The following SMARCC1 variants were observed in gnomAD, a reference collection of about 807,000 sequenced individuals.
SMARCC1 encodes the protein SWI/SNF complex subunit SMARCC1.
A neutral mutation model predicts 147.4 loss-of-function variants in SMARCC1; 43 were observed. The observed-to-expected ratio is 0.29, with a 90% CI of 0.23 to 0.38. The LOEUF is 0.38. Ranked by LOEUF, SMARCC1 falls within the 10% of genes least tolerant of loss-of-function variation. The pLI, the probability that SMARCC1 is intolerant of heterozygous loss-of-function variation, is 1.00. For missense variants in SMARCC1, 1,119 were observed against 1,381.1 expected (o/e 0.81, Z 3.01); for synonymous variants, 495 against 484.4 (o/e 1.02, Z -0.29).
rs1307754890 is a variant in SMARCC1 at position 47,720,857 on chromosome 3, C to A, written c.647-122G>T. ...TAACGAACAACATTTTTCGAACATG[C>A]TGTTGCTGGTTTGGAAAGAAAAAGT... On this transcript the variant is annotated intron_variant, in intron 6 of 27. Transcript: ENST00000254480. 4 of 778,928 alleles carry A rather than the reference C, an allele frequency of 5.1e-6. No homozygotes were observed. In the African/African-American group the frequency reaches 5.2e-5, roughly 10 times the overall value. 48.3% of individuals were successfully genotyped at this position (778,928 alleles called of 1,614,324 possible).
intron 25 of SMARCC1, among the ~76,000 whole-genome samples, chr3:47,617,593 A>G (rs1036573752): frequency 7.2e-5 from 11 of 152,252 alleles, no homozygotes; most frequent in Non-Finnish European, 1.6e-4. Flanking sequence ...AATTTTCACA[A>G]GAATTCTGTG....
At chr3:47,604,128 A>G (rs937163468) in intron 26 of SMARCC1, 1 of 456,644 alleles carries the variant, frequency 2.2e-6, no homozygotes, top group Non-Finnish European at 4.4e-6. Context: ...TACCAGCTAC[A>G]TTCATACCTA....
At chr3:47,720,780 T>C (rs775129250) in intron 6 of SMARCC1, 45 bp from the exon 7 acceptor site, 4 of 1,334,674 alleles carry the variant, frequency 3.0e-6, no homozygotes, top group Non-Finnish European at 4.2e-6. Flanking sequence ...GACAAAATAA[T>C]AAAGAAACTA....
chr3:47,621,637 C>T (rs78460903), intron 25 of SMARCC1, among the ~76,000 whole-genome samples: 2,912 of 152,120 alleles, frequency 0.019, 37 homozygotes, highest in Non-Finnish European at 0.029. Flanking sequence ...AAACAATAGA[C>T]ACTGGTGACT....
intron 26 of SMARCC1, chr3:47,601,698 CTTTT>C (rs869165458): frequency 1.4e-5 from 2 of 138,306 alleles, no homozygotes; most frequent in Admixed American, 7.3e-5. Flanking sequence ...CTTTTTTTTT[CTTTT>C]TTTTTTTTTT....
At chr3:47,757,551 T>C (rs1334783369) in intron 2 of SMARCC1, among the ~76,000 whole-genome samples, 3 of 151,690 alleles carry the variant, frequency 2.0e-5, no homozygotes, top group African/African-American at 7.3e-5. Flanking sequence ...CCAAGGCAGG[T>C]GGATCATGAG....
At chr3:47,689,505 C>T (rs2033766327) in intron 12 of SMARCC1, 81 bp from the exon 13 acceptor site, 1 of 1,139,036 alleles carries the variant, frequency 8.8e-7, no homozygotes, top group African/African-American at 1.5e-5. Context: ...GGTCTAAGAA[C>T]TGATACTGGA....
intron 14 of SMARCC1, among the ~76,000 whole-genome samples, chr3:47,681,545 T>C (rs2033644859): frequency 6.6e-6 from 1 of 152,192 alleles, no homozygotes; most frequent in African/African-American, 2.4e-5. Context: ...AATATAAGTG[T>C]GTGTTTCTTC....
chr3:47,645,205 G>A (rs2033102535), intron 21 of SMARCC1, among the ~76,000 whole-genome samples: 1 of 151,792 alleles, frequency 6.6e-6, no homozygotes. Flanking sequence ...GATCCCAGAA[G>A]GTCTCTTGAT....
At chr3:47,628,863 C>A (rs2032848661) in intron 24 of SMARCC1, among the ~76,000 whole-genome samples, 1 of 152,152 alleles carries the variant, frequency 6.6e-6, no homozygotes, top group South Asian at 2.1e-4. Flanking sequence ...ACAGAAATCC[C>A]ACAAAGTTCT....
chr3:47,752,489 AAAG>A (rs1458903589), intron 2 of SMARCC1, among the ~76,000 whole-genome samples: 1 of 152,166 alleles, frequency 6.6e-6, no homozygotes, highest in Non-Finnish European at 1.5e-5. Context: ...TGGAAAACCT[AAAG>A]AATAAAAAGG....
intron 8 of SMARCC1, among the ~76,000 whole-genome samples, chr3:47,711,387 T>C (rs1275972303): frequency 6.6e-6 from 1 of 152,194 alleles, no homozygotes; most frequent in Non-Finnish European, 1.5e-5. Flanking sequence ...TAGATGTATA[T>C]ATACATATAG....
At chr3:47,720,802 C>G (rs569259852) in intron 6 of SMARCC1, 67 bp from the exon 7 acceptor site, 20 of 1,207,566 alleles carry the variant, frequency 1.7e-5, no homozygotes, top group Non-Finnish European at 2.0e-5. Context: ...GATTTTTAGC[C>G]TTAATTTTTA....
chr3:47,596,813 T>A lies in SMARCC1; in HGVS notation c.3044-5976A>T, dbSNP rs77699154. Among the ~76,000 whole-genome samples, 92 of 151,618 alleles carry A rather than the reference T, an allele frequency of 6.1e-4. 1 individual carries two copies. The East Asian group carries it at 0.018, about 29-fold the overall frequency. Reference sequence around the variant, plus strand: ...CCTTTGCAGAGAAGTATGGGCTGAATGTCAGGCTGATGAGACAGAAAGGAA... The same window carrying A: ...CCTTTGCAGAGAAGTATGGGCTGAAAGTCAGGCTGATGAGACAGAAAGGAA... On this transcript the variant is annotated intron_variant, in intron 26 of 27. Transcript: ENST00000254480.
chr3:47,611,651 A>G (rs1183905900), intron 25 of SMARCC1, among the ~76,000 whole-genome samples: 1 of 152,216 alleles, frequency 6.6e-6, no homozygotes, highest in Admixed American at 6.5e-5. Context: ...AACACTACAC[A>G]CTATTATTTG....
chr3:47,730,571 C>T (rs186328873), intron 5 of SMARCC1, among the ~76,000 whole-genome samples: 20 of 152,214 alleles, frequency 1.3e-4, no homozygotes, highest in Admixed American at 9.2e-4. Flanking sequence ...TGCTAGAAAA[C>T]GCTAACAATA....
At chr3:47,688,779 T>C (rs941429029) in intron 13 of SMARCC1, among the ~76,000 whole-genome samples, 3 of 152,154 alleles carry the variant, frequency 2.0e-5, no homozygotes, top group African/African-American at 7.2e-5. Flanking sequence ...CACTGTCGGA[T>C]AACATCTGAA....
chr3:47,635,256 T>C lies in SMARCC1; in HGVS notation c.2580A>G (p.Glu860=), dbSNP rs904065708. Residue 860 remains glutamate, a synonymous_variant, in exon 24 of 28, where the codon GAA becomes GAG. Coordinates refer to ENST00000254480, the MANE Select transcript of SMARCC1 (RefSeq NM_003074.4). ...CTGTGGCAACATTTCCTTCGGAAAT[T>C]TCATGTTCTACTTTCTTCTTCCCAG... is the stretch of plus-strand genomic sequence containing the variant. ...SDTGKKKVEH[E]ISEGNVATAA... is the part of the protein sequence containing the mutation. The C allele has an allele frequency of 6.2e-7, 1 of 1,613,722 alleles. No individual in the cohort carries two copies. Among genetic ancestry groups the C allele is most frequent in the Non-Finnish European group, 8.5e-7 (1 of 1,179,856 alleles).
intron 2 of SMARCC1, among the ~76,000 whole-genome samples, chr3:47,754,471 G>T (rs1372154900): frequency 1.3e-5 from 2 of 152,082 alleles, no homozygotes; most frequent in Non-Finnish European, 2.9e-5. Context: ...AAAGTGTTGG[G>T]ATTACAGGTG....
Sources: allele counts gnomAD v4.1 joint callset (sites outside exome capture counted in the v4.1 genomes callset), GRCh38; gene constraint gnomAD v4.1.1; transcripts MANE v1.5; gene names NCBI Gene and HGNC (gene_info 2026-07-23, HGNC 2026-07-21).